PIK3AP1: variants seen among roughly 807,000 people sequenced by gnomAD.
PIK3AP1 encodes phosphoinositide-3-kinase adaptor protein 1.
Under a neutral mutation model 88.1 loss-of-function variants are expected in PIK3AP1, and 21 were observed. The observed-to-expected ratio is 0.24, with a 90% CI of 0.17 to 0.34. The LOEUF is 0.34. Ranked by LOEUF, PIK3AP1 falls within the 10% of genes least tolerant of loss-of-function variation. The pLI, the probability that PIK3AP1 is intolerant of heterozygous loss-of-function variation, is 1.00. For synonymous variants in PIK3AP1, 398 were observed against 400.0 expected (o/e 1.00, Z 0.06); for missense variants, 828 against 1,035.7 (o/e 0.80, Z 2.75).
chr10:96,618,624 A>C (rs1366361747), intron 12 of PIK3AP1: 1 of 152,570 alleles, frequency 6.6e-6, no homozygotes, highest in East Asian at 1.9e-4. Context: ...AAAGAGAGCT[A>C]ACATTTATTA....
intron 1 of PIK3AP1, among the ~76,000 whole-genome samples, chr10:96,718,457 C>T (rs1190405261): frequency 1.3e-5 from 2 of 152,194 alleles, no homozygotes; most frequent in Non-Finnish European, 2.9e-5. Flanking sequence ...CCTCAGGGAA[C>T]CCGAGGGACT....
In PIK3AP1 at chr10:96,645,590, C is replaced by T. The variant is rs763602032; in HGVS notation, c.1258G>A (p.Glu420Lys). 6 of 1,613,754 alleles carry T rather than the reference C, an allele frequency of 3.7e-6. No homozygotes were observed. Among genetic ancestry groups the T allele is most frequent in the Non-Finnish European group, 5.1e-6 (6 of 1,179,836 alleles). The change falls in exon 8 of 17, where the codon GAG (glutamate) becomes AAG (lysine). Residue 420 changes from glutamate (E) to lysine (K), a missense_variant. Around this residue, in one of 3 missense-constraint regions of PIK3AP1, gnomAD observed 610 missense variants for 760.1 expected, o/e 0.80. Transcript: ENST00000339364. The part of the protein sequence containing the change: ...MHGEEADAVY[E>K]SMAHLSTDLL... ...TCTGTGGAAAGGTGGGCCATGGACTCGTACACAGCATCAGCCTCCTCCCCG... is the reference window on the plus strand; with the variant it reads ...TCTGTGGAAAGGTGGGCCATGGACTTGTACACAGCATCAGCCTCCTCCCCG...
At chr10:96,616,526 T>C in intron 13 of PIK3AP1, 113 bp downstream of exon 13, 1 of 1,072,746 alleles carries the variant, frequency 9.3e-7, no homozygotes, top group Non-Finnish European at 1.4e-6. Flanking sequence ...GTAAACAGTA[T>C]GACGAGTGCT....
At chr10:96,633,748 TAC>T (rs1843277856) in intron 8 of PIK3AP1, among the ~76,000 whole-genome samples, 1 of 152,250 alleles carries the variant, frequency 6.6e-6, no homozygotes, top group Non-Finnish European at 1.5e-5. Flanking sequence ...TTTGAATTTC[TAC>T]ACATATTCTC....
At chr10:96,636,171 T>G (rs2134217767) in intron 8 of PIK3AP1, among the ~76,000 whole-genome samples, 1 of 152,034 alleles carries the variant, frequency 6.6e-6, no homozygotes, top group East Asian at 1.9e-4. Context: ...GAGCCAAGAT[T>G]GTGCCACTGC....
At chr10:96,643,858 C>G (rs1384945086) in intron 8 of PIK3AP1, among the ~76,000 whole-genome samples, 1 of 152,208 alleles carries the variant, frequency 6.6e-6, no homozygotes, top group African/African-American at 2.4e-5. Context: ...TCAATATAGC[C>G]CATTCCAGAA....
intron 1 of PIK3AP1, among the ~76,000 whole-genome samples, chr10:96,716,898 G>A (rs1844509468): frequency 6.6e-6 from 1 of 152,154 alleles, no homozygotes; most frequent in South Asian, 2.1e-4. Flanking sequence ...AGGAAGGGGA[G>A]GCTGTAGCAG....
intron 12 of PIK3AP1, 43 bp downstream of exon 12, chr10:96,620,309 T>A: frequency 6.3e-7 from 1 of 1,595,204 alleles, no homozygotes; most frequent in African/African-American, 1.3e-5. Flanking sequence ...TACTGTCAAG[T>A]GGGGAAATAG....
At chr10:96,650,349 G>A (rs923642845) in intron 6 of PIK3AP1, among the ~76,000 whole-genome samples, 2 of 152,098 alleles carry the variant, frequency 1.3e-5, no homozygotes, top group African/African-American at 4.8e-5. Context: ...ATGAAGGAAC[G>A]GTGGTGTCCA....
At chr10:96,598,964 G>A (rs916297004) in intron 16 of PIK3AP1, among the ~76,000 whole-genome samples, 2 of 152,216 alleles carry the variant, frequency 1.3e-5, no homozygotes, top group African/African-American at 2.4e-5. Flanking sequence ...AGAATTAAAC[G>A]TGAAGGCTTT....
chr10:96,605,333 G>A (rs1391686189), intron 14 of PIK3AP1, among the ~76,000 whole-genome samples: 3 of 152,144 alleles, frequency 2.0e-5, no homozygotes, highest in Non-Finnish European at 4.4e-5. Context: ...AACATGGCTA[G>A]TGCAACCAAG....
At chr10:96,632,623 C>T (rs1166417778) in intron 8 of PIK3AP1, among the ~76,000 whole-genome samples, 1 of 152,142 alleles carries the variant, frequency 6.6e-6, no homozygotes, top group Non-Finnish European at 1.5e-5. Context: ...TTTTACTTTA[C>T]AGTCACACCT....
chr10:96,609,682 G>C (rs760947527), intron 14 of PIK3AP1, 30 bp downstream of exon 14: 1 of 1,605,402 alleles, frequency 6.2e-7, no homozygotes, highest in African/African-American at 1.3e-5. Context: ...CAGTCAAGAA[G>C]ACCCCACCCC....
At chr10:96,682,575 T>A (rs1375073185) in intron 2 of PIK3AP1, among the ~76,000 whole-genome samples, 1 of 152,190 alleles carries the variant, frequency 6.6e-6, no homozygotes, top group Non-Finnish European at 1.5e-5. Context: ...CGTCTCCCCA[T>A]GATGAGATAA....
intron 3 of PIK3AP1, among the ~76,000 whole-genome samples, chr10:96,655,540 A>G (rs1184630071): frequency 6.6e-6 from 1 of 152,028 alleles, no homozygotes; most frequent in Non-Finnish European, 1.5e-5. Context: ...TGCAGTCCAA[A>G]CCAAACATGT....
At position 96,666,112 on chromosome 10, in the gene PIK3AP1, C is replaced by T. The variant is rs112496897; in HGVS notation, c.431-9178G>A. ...GAATTAAATATGTATGACTATAGAACATACAAATAAAAAAAGAGTTAAATA... is the reference window on the plus strand; with the variant it reads ...GAATTAAATATGTATGACTATAGAATATACAAATAAAAAAAGAGTTAAATA... On this transcript the variant is annotated intron_variant, in intron 2 of 16. Transcript: ENST00000339364. 3.8e-3 allele frequency among the ~76,000 whole-genome samples: 585 copies of T among 152,208 alleles called. 7 individuals carry two copies. Among genetic ancestry groups the T allele is most frequent in the African/African-American group, 0.014 (568 of 41,498 alleles).
intron 2 of PIK3AP1, among the ~76,000 whole-genome samples, chr10:96,669,007 C>A (rs2134251401): frequency 6.6e-6 from 1 of 152,142 alleles, no homozygotes; most frequent in East Asian, 1.9e-4. Flanking sequence ...TGGCACACGC[C>A]TGTAATCCCA....
chr10:96,705,800 C>T (rs1014052269), intron 2 of PIK3AP1, among the ~76,000 whole-genome samples: 1 of 150,112 alleles, frequency 6.7e-6, no homozygotes, highest in Non-Finnish European at 1.5e-5. Flanking sequence ...CCAGACAGGT[C>T]TCAAACTTCA....
At chr10:96,631,936 T>A (rs1843250330) in intron 8 of PIK3AP1, among the ~76,000 whole-genome samples, 1 of 151,480 alleles carries the variant, frequency 6.6e-6, no homozygotes. Flanking sequence ...CAGAAAAGAA[T>A]GAGCACCAGT....
Sources: gnomAD v4.1 joint callset for allele counts (sites outside exome capture counted in the v4.1 genomes callset) on GRCh38, gnomAD v4.1.1 for gene constraint, gnomAD v4.1.1 regional missense constraint, MANE v1.5 for transcripts, NCBI Gene and HGNC (gene_info 2026-07-23, HGNC 2026-07-21) for gene names.